The following CCSER1 variants were observed in gnomAD, a reference collection of about 807,000 sequenced individuals.
CCSER1 encodes the protein coiled-coil serine rich protein 1.
CCSER1 carries 41 observed loss-of-function variants against 82.0 expected under a neutral mutation model. The observed-to-expected ratio is 0.50, with a 90% CI of 0.39 to 0.65. CCSER1 has a LOEUF of 0.65. Among genes scored for constraint, CCSER1 ranks in the 30% least tolerant of loss-of-function variants. The pLI is 0.00. For synonymous variants in CCSER1, 414 were observed against 383.9 expected (o/e 1.08, Z -0.92); for missense variants, 1,119 against 1,064.2 (o/e 1.05, Z -0.72).
At chr4:90,905,879 G>C (rs915841522) in intron 8 of CCSER1, among the ~76,000 whole-genome samples, 2 of 151,944 alleles carry the variant, frequency 1.3e-5, no homozygotes, top group African/African-American at 4.8e-5. Flanking sequence ...AACTAGTTTT[G>C]TTTATAAATA....
intron 1 of CCSER1, among the ~76,000 whole-genome samples, chr4:90,223,729 C>G (rs1478760260): frequency 3.9e-5 from 6 of 152,112 alleles, no homozygotes; most frequent in Non-Finnish European, 5.9e-5. Flanking sequence ...AATTTTGGAT[C>G]TAGAAGAAAC....
chr4:91,365,826 G>T (rs1461022831), intron 10 of CCSER1, among the ~76,000 whole-genome samples: 1 of 152,118 alleles, frequency 6.6e-6, no homozygotes, highest in Non-Finnish European at 1.5e-5. Context: ...GAATAGGTAG[G>T]TCCATGTTTT....
At chr4:90,992,961 G>A (rs968330363) in intron 9 of CCSER1, among the ~76,000 whole-genome samples, 15 of 151,992 alleles carry the variant, frequency 9.9e-5, no homozygotes, top group Admixed American at 7.2e-4. Context: ...CTCACACACC[G>A]GCATGAACAA....
chr4:90,758,387 G>T (rs530333994), intron 7 of CCSER1, among the ~76,000 whole-genome samples: 3 of 151,788 alleles, frequency 2.0e-5, no homozygotes, highest in Non-Finnish European at 2.9e-5. Context: ...CAGTTTTTTT[G>T]AATAAAAAAC....
intron 5 of CCSER1, among the ~76,000 whole-genome samples, chr4:90,621,036 C>G (rs1174063547): frequency 2.0e-5 from 3 of 152,068 alleles, no homozygotes; most frequent in Non-Finnish European, 4.4e-5. Flanking sequence ...CCAGGCTGGT[C>G]TTGAACGTCT....
At chr4:90,500,495 C>A (rs192193623) in intron 5 of CCSER1, among the ~76,000 whole-genome samples, 65 of 152,166 alleles carry the variant, frequency 4.3e-4, no homozygotes, top group African/African-American at 1.5e-3. Flanking sequence ...CCACGCCCAG[C>A]TAATTTTTCT....
At chr4:91,181,046 A>AT (rs1196651720) in intron 10 of CCSER1, among the ~76,000 whole-genome samples, 3 of 152,226 alleles carry the variant, frequency 2.0e-5, no homozygotes, top group Admixed American at 6.5e-5. Context: ...GGAGGGCCAG[A>AT]TGTTCATTGC....
chr4:90,323,666 T>G (rs1461009203), intron 3 of CCSER1, among the ~76,000 whole-genome samples: 1 of 152,184 alleles, frequency 6.6e-6, no homozygotes, highest in Non-Finnish European at 1.5e-5. Context: ...ATCCTCTTTT[T>G]TTTTTAAATT....
At chr4:91,148,087 A>G (rs1180960161) in intron 10 of CCSER1, among the ~76,000 whole-genome samples, 1 of 152,236 alleles carries the variant, frequency 6.6e-6, no homozygotes, top group East Asian at 1.9e-4. Flanking sequence ...CATGGAATAG[A>G]GAATCAAAAC....
chr4:90,654,193 G>C (rs576593578), intron 6 of CCSER1, among the ~76,000 whole-genome samples: 3 of 152,070 alleles, frequency 2.0e-5, no homozygotes, highest in Non-Finnish European at 4.4e-5. Flanking sequence ...TTCTGTTATA[G>C]TATAAAATTG....
At chr4:90,402,981 T>C (rs1561172216) in intron 4 of CCSER1, among the ~76,000 whole-genome samples, 1 of 152,228 alleles carries the variant, frequency 6.6e-6, no homozygotes, top group Admixed American at 6.5e-5. Flanking sequence ...TTAGTTTGCA[T>C]ACATGAAGTG....
chr4:90,176,140 T>G (rs892614537), intron 1 of CCSER1, among the ~76,000 whole-genome samples: 37 of 151,960 alleles, frequency 2.4e-4, no homozygotes, highest in Admixed American at 6.6e-5. Context: ...TGGCAGTATC[T>G]GTGGAGTAAG....
chr4:90,848,208 C>T (rs1051674096), intron 8 of CCSER1, among the ~76,000 whole-genome samples: 1 of 152,130 alleles, frequency 6.6e-6, no homozygotes, highest in Non-Finnish European at 1.5e-5. Flanking sequence ...CAATGAAGCA[C>T]ATATATCATA....
intron 9 of CCSER1, among the ~76,000 whole-genome samples, chr4:91,054,102 A>G (rs1743232399): frequency 6.6e-6 from 1 of 152,168 alleles, no homozygotes; most frequent in African/African-American, 2.4e-5. Flanking sequence ...TTTGAGATAT[A>G]TGAGAGGTTG....
intron 9 of CCSER1, among the ~76,000 whole-genome samples, chr4:90,977,752 C>T (rs1415354769): frequency 6.6e-6 from 1 of 151,642 alleles, no homozygotes; most frequent in Non-Finnish European, 1.5e-5. Context: ...CACTCCCACT[C>T]ATTTCATTGT....
rs145539313 is a variant in CCSER1 at position 90,645,266 on chromosome 4, T to G, written c.1932+17034T>G. Among the ~76,000 whole-genome samples the G allele has an allele frequency of 1.4e-4, 22 of 152,284 alleles. 1 individual carries two copies. In the East Asian group the frequency reaches 4.2e-3, roughly 29 times the overall value. ...AATAGATACCTACGTTTACCTAGGTTTTAAAATCTTTCCAAAATTTTGTTT... is the reference window on the plus strand; with the variant it reads ...AATAGATACCTACGTTTACCTAGGTGTTAAAATCTTTCCAAAATTTTGTTT... On this transcript the variant is annotated intron_variant, in intron 6 of 10. Coordinates refer to ENST00000509176, the MANE Select transcript of CCSER1 (RefSeq NM_001145065.2).
At position 91,125,313 on chromosome 4, in the gene CCSER1, A is replaced by G. The variant is rs2148898149; in HGVS notation, c.2217+39319A>G. On this transcript the variant is annotated intron_variant, in intron 10 of 10. Transcript: ENST00000509176. ...TCACTTAACAGTAAAATCTAATATA[A>G]TTGCTACTAAAAACATTGCATGGCA... 1.3e-5 allele frequency among the ~76,000 whole-genome samples: 2 copies of G among 151,854 alleles called. 1 individual carries two copies. Among genetic ancestry groups the G allele is most frequent in the South Asian group, 4.1e-4 (2 of 4,826 alleles).
intron 1 of CCSER1, among the ~76,000 whole-genome samples, chr4:90,223,256 T>A (rs910053075): frequency 6.6e-6 from 1 of 152,248 alleles, no homozygotes; most frequent in African/African-American, 2.4e-5. Flanking sequence ...ACAATTGATA[T>A]GTATTTTTTT....
At chr4:91,394,854 T>C (rs537747585) in intron 10 of CCSER1, among the ~76,000 whole-genome samples, 4,746 of 151,218 alleles carry the variant, frequency 0.031, 226 homozygotes, top group African/African-American at 0.11. Context: ...ATCCCACTGT[T>C]TTTTTTTTGA....
Sources: gnomAD v4.1 joint callset for allele counts (sites outside exome capture counted in the v4.1 genomes callset) on GRCh38, gnomAD v4.1.1 for gene constraint, MANE v1.5 for transcripts, NCBI Gene and HGNC (gene_info 2026-07-23, HGNC 2026-07-21) for gene names.